CSMD1: variants seen among roughly 807,000 people sequenced by gnomAD.
CSMD1 encodes the protein CUB and Sushi multiple domains 1.
CSMD1 carries 213 observed loss-of-function variants against 417.5 expected under a neutral mutation model. The ratio of observed to expected loss-of-function variants is 0.51; its 90% CI spans 0.46 to 0.57. CSMD1 has a LOEUF of 0.57. Among genes scored for constraint, CSMD1 ranks in the 20% least tolerant of loss-of-function variants. The pLI is 0.00. For synonymous variants in CSMD1, 2,862 were observed against 1,736.8 expected (o/e 1.65, Z -16.11); for missense variants, 6,923 against 4,529.7 (o/e 1.53, Z -15.17).
intron 5 of CSMD1, among the ~76,000 whole-genome samples, chr8:3,922,376 A>C (rs948627566): frequency 2.6e-5 from 4 of 152,148 alleles, no homozygotes; most frequent in Non-Finnish European, 4.4e-5. Context: ...TTACACATAA[A>C]GTAATTATTA....
intron 3 of CSMD1, among the ~76,000 whole-genome samples, chr8:4,148,028 C>G (rs764857077): frequency 9.9e-5 from 15 of 152,092 alleles, no homozygotes; most frequent in East Asian, 3.9e-4. Flanking sequence ...TTCCCATAGT[C>G]TGTTCTATGA....
At chr8:4,846,965 T>G (rs1441654480) in intron 1 of CSMD1, among the ~76,000 whole-genome samples, 1 of 152,220 alleles carries the variant, frequency 6.6e-6, no homozygotes, top group African/African-American at 2.4e-5. Context: ...TGTAGTGATT[T>G]TTTTTTCAAG....
intron 1 of CSMD1, among the ~76,000 whole-genome samples, chr8:4,662,126 G>C (rs1303000268): frequency 6.6e-6 from 1 of 152,120 alleles, no homozygotes; most frequent in African/African-American, 2.4e-5. Flanking sequence ...TTTTCTAATA[G>C]ATTGCAGTAC....
chr8:4,134,166 T>C (rs1233746629), intron 3 of CSMD1, among the ~76,000 whole-genome samples: 1 of 152,200 alleles, frequency 6.6e-6, no homozygotes, highest in African/African-American at 2.4e-5. Flanking sequence ...CATGTGTATG[T>C]TTGACTATTT....
At chr8:3,901,786 G>A (rs749615079) in intron 5 of CSMD1, among the ~76,000 whole-genome samples, 1 of 152,194 alleles carries the variant, frequency 6.6e-6, no homozygotes, top group Non-Finnish European at 1.5e-5. Flanking sequence ...GCGTCAAAGT[G>A]TGGTTTATTA....
intron 5 of CSMD1, among the ~76,000 whole-genome samples, chr8:3,805,072 G>A (rs562684753): frequency 6.7e-6 from 1 of 149,900 alleles, no homozygotes; most frequent in Non-Finnish European, 1.5e-5. Context: ...CAGAGAATTA[G>A]AATAACAGAT....
chr8:3,838,891 T>A (rs1563132339), intron 5 of CSMD1, among the ~76,000 whole-genome samples: 1 of 97,530 alleles, frequency 1.0e-5, no homozygotes, highest in East Asian at 2.4e-4. Flanking sequence ...AATTATAATA[T>A]ATAATAATAT....
intron 37 of CSMD1, among the ~76,000 whole-genome samples, chr8:3,168,495 T>G (rs1219259126): frequency 6.6e-6 from 1 of 152,016 alleles, no homozygotes; most frequent in African/African-American, 2.4e-5. Flanking sequence ...AGAAATCAAG[T>G]CACCCAAGGA....
At chr8:3,955,388 C>G (rs2129923374) in intron 5 of CSMD1, among the ~76,000 whole-genome samples, 1 of 152,252 alleles carries the variant, frequency 6.6e-6, no homozygotes, top group African/African-American at 2.4e-5. Flanking sequence ...AGAGATTTTC[C>G]AAAAATGACT....
chr8:3,966,990 T>C (rs1812719114), intron 5 of CSMD1, among the ~76,000 whole-genome samples: 1 of 152,172 alleles, frequency 6.6e-6, no homozygotes, highest in Admixed American at 6.6e-5. Context: ...GGGTACATCT[T>C]CCACTGTAGA....
intron 3 of CSMD1, among the ~76,000 whole-genome samples, chr8:4,085,833 TTC>T (rs1800390286): frequency 6.6e-6 from 1 of 152,162 alleles, no homozygotes; most frequent in Non-Finnish European, 1.5e-5. Flanking sequence ...CAGATAAAAG[TTC>T]TGTGTCCCCA....
At chr8:4,425,649 C>T (rs1263921647) in intron 2 of CSMD1, among the ~76,000 whole-genome samples, 1 of 151,440 alleles carries the variant, frequency 6.6e-6, no homozygotes, top group African/African-American at 2.4e-5. Context: ...TTATTCTTGT[C>T]TGCCTCACTT....
chr8:4,930,938 C>G (rs4256616), intron 1 of CSMD1, among the ~76,000 whole-genome samples: 6 of 151,950 alleles, frequency 3.9e-5, no homozygotes, highest in African/African-American at 1.5e-4. Context: ...TTGTACAGAA[C>G]TGGAAATTTA....
intron 2 of CSMD1, among the ~76,000 whole-genome samples, chr8:4,632,156 G>C (rs1010165991): frequency 8.5e-5 from 13 of 152,162 alleles, no homozygotes; most frequent in African/African-American, 2.9e-4. Context: ...AAGTCACGTT[G>C]GGTTCCGTGC....
intron 7 of CSMD1, among the ~76,000 whole-genome samples, chr8:3,695,134 G>C (rs907794450): frequency 1.5e-5 from 2 of 135,784 alleles, no homozygotes; most frequent in Non-Finnish European, 3.2e-5. Context: ...AAGAAGTGTA[G>C]TACAAGGATA....
intron 25 of CSMD1, among the ~76,000 whole-genome samples, chr8:3,295,947 A>G (rs1236443098): frequency 6.6e-6 from 1 of 152,124 alleles, no homozygotes; most frequent in East Asian, 1.9e-4. Context: ...ACATCTGCCA[A>G]GTTGAGTCCT....
In CSMD1 at chr8:3,781,472, C is replaced by A. The variant is rs1799177391; in HGVS notation, c.819-27430G>T. On this transcript the variant is annotated intron_variant, in intron 5 of 69. Transcript: ENST00000635120. ...CAGAGAATACGGGTTAAGGGAGCTG[C>A]TGATAGTTGCACCACGTGGTGCCCC... is the stretch of plus-strand genomic sequence containing the variant. Among the ~76,000 whole-genome samples the A allele has an allele frequency of 2.0e-5, 3 of 149,954 alleles. No individual in the cohort carries two copies. In the South Asian group the frequency reaches 6.3e-4, roughly 32 times the overall value.
At chr8:3,357,726 A>T (rs1293423597) in intron 21 of CSMD1, among the ~76,000 whole-genome samples, 1 of 152,210 alleles carries the variant, frequency 6.6e-6, no homozygotes, top group African/African-American at 2.4e-5. Flanking sequence ...TTTAGACTCC[A>T]ACCAATTCTG....
Position 2,978,673 on chromosome 8 carries a change from T to C in CSMD1, c.8505A>G (p.Gly2835=). ...TTGCCATACAGGTCAAGGCTGAAGA[T>C]CCCAGCAAGTAAAATCCCTTCTTGC... ...YHCKKGFYLL[G]SSALTCMANG... is the part of the protein sequence containing the mutation. Residue 2835 remains glycine, a synonymous_variant, in exon 55 of 70, where the codon GGA becomes GGG. Coordinates refer to ENST00000635120, the MANE Select transcript of CSMD1 (RefSeq NM_033225.6). 7 of 1,609,956 alleles carry C rather than the reference T, an allele frequency of 4.3e-6. No homozygotes were observed. The highest frequency in any genetic ancestry group is 5.1e-6 in the Non-Finnish European group (6 of 1,178,100).
Sources: allele counts gnomAD v4.1 joint callset (sites outside exome capture counted in the v4.1 genomes callset), GRCh38; gene constraint gnomAD v4.1.1; transcripts MANE v1.5; gene names NCBI Gene and HGNC (gene_info 2026-07-23, HGNC 2026-07-21).